Variants in SLC27A5 observed in about 807,000 individuals in gnomAD.
SLC27A5 encodes the protein long-chain fatty acid transport protein 5.
Under a neutral mutation model 63.1 loss-of-function variants are expected in SLC27A5, and 47 were observed. The observed-to-expected ratio is 0.74, with a 90% CI of 0.59 to 0.95. The LOEUF (loss-of-function observed/expected upper bound fraction) is 0.95. Among genes scored for constraint, SLC27A5 ranks in the 40% least tolerant of loss-of-function variants. The probability of loss-of-function intolerance (pLI) is 0.00; values close to 1 mark genes in which losing one functional copy is unlikely to be tolerated. For synonymous variants in SLC27A5, 391 were observed against 403.8 expected, an observed-to-expected ratio of 0.97 and a Z score of 0.38; for missense variants, 940 against 921.0, an observed-to-expected ratio of 1.02 and a Z score of -0.27.
intron 2 of SLC27A5, chr19:58,510,497 C>G (rs753567972): frequency 5.8e-5 from 28 of 479,426 alleles, no homozygotes; most frequent in Non-Finnish European, 9.2e-5. Flanking sequence ...TTGCTTGAAC[C>G]CAGGAGGTGG....
chr19:58,505,797 G>A (rs552005426), intron 3 of SLC27A5, among the ~76,000 whole-genome samples: 3 of 141,020 alleles, frequency 2.1e-5, no homozygotes, highest in East Asian at 2.1e-4. Context: ...GCAGTGAGCC[G>A]ACATCGCGCC....
chr19:58,498,801 TG>T lies in SLC27A5; in HGVS notation c.1879del (p.His627IlefsTer17), dbSNP rs777720763. ...RAWLPAYATP[H>X]FIRIQDAMEV... Reference sequence around the variant, plus strand: ...TGGGCTCACCTGGATGCGGATGAAATGGGGGGTAGCGTAGGCAGGGAGCCAA... The same window carrying T: ...TGGGCTCACCTGGATGCGGATGAAATGGGGGTAGCGTAGGCAGGGAGCCAA... On this transcript the variant is annotated frameshift_variant, in exon 9 of 10. Transcript: ENST00000263093. LOFTEE classifies it low-confidence loss of function (END_TRUNC). 36 of 1,613,710 alleles carry T rather than the reference TG, an allele frequency of 2.2e-5. No homozygotes were observed. Among genetic ancestry groups the T allele is most frequent in the Non-Finnish European group, 3.0e-5 (35 of 1,179,926 alleles).
In SLC27A5 at chr19:58,499,134, A is replaced by G; in HGVS notation, c.1754T>C (p.Val585Ala). 6.2e-7 allele frequency: 1 copy of G among 1,613,980 alleles called. No individual in the cohort carries two copies. The highest frequency in any genetic ancestry group is 1.1e-5 in the South Asian group (1 of 91,084). Residue 585 changes from valine (V) to alanine (A), a missense_variant, in exon 8 of 10, where the codon GTG (valine) becomes GCG (alanine). Val to Ala is a moderately conservative substitution (Grantham distance 64). Transcript: ENST00000263093. Reference protein sequence around the residue: ...DFLQQVNVYGVCVPGCEGKVG... With the variant: ...DFLQQVNVYGACVPGCEGKVG... Reference sequence around the variant, plus strand: ...AGAACCCTCCGCACCTGGCACGCACACGCCATACACGTTAACCTGTTGCAA... The same window carrying G: ...AGAACCCTCCGCACCTGGCACGCACGCGCCATACACGTTAACCTGTTGCAA...
intron 3 of SLC27A5, 113 bp from the exon 4 acceptor site, chr19:58,501,523 G>A: frequency 1.7e-6 from 2 of 1,199,678 alleles, no homozygotes; most frequent in Middle Eastern, 2.9e-4. Context: ...GGACAATACT[G>A]AGTTCATCTT....
intron 3 of SLC27A5, among the ~76,000 whole-genome samples, chr19:58,504,525 T>C (rs2053319319): frequency 8.0e-6 from 1 of 124,980 alleles, no homozygotes; most frequent in Non-Finnish European, 1.6e-5. Context: ...GGTGCGTGCC[T>C]GTAATCCCAG....
At chr19:58,506,187 A>T (rs988222965) in intron 3 of SLC27A5, among the ~76,000 whole-genome samples, 1 of 151,826 alleles carries the variant, frequency 6.6e-6, no homozygotes, top group Non-Finnish European at 1.5e-5. Context: ...TTGGTACCCC[A>T]AAGTGCAGGG....
chr19:58,501,126 C>A, intron 4 of SLC27A5, 160 bp downstream of exon 4: 1 of 1,243,750 alleles, frequency 8.0e-7, no homozygotes. Flanking sequence ...ATCAAAGAAA[C>A]CATTATTGGA....
At position 58,500,631 on chromosome 19, in the gene SLC27A5, G is replaced by A; in HGVS notation, c.1258C>T (p.Gln420Ter). 1 of 1,614,174 alleles carries A rather than the reference G, an allele frequency of 6.2e-7. No individual in the cohort carries two copies. Among genetic ancestry groups the A allele is most frequent in the South Asian group, 1.1e-5 (1 of 91,088 alleles). ...ATCCGAATAGGACCGAAGCGCTGCT[G>A]GAAGGTCTCCCACACATCAGCCCGT... ...GLRADVWETFQQRFGPIRIWE... is the reference protein window; with the variant it reads ...GLRADVWETF The change falls in exon 5 of 10, where the codon CAG (glutamine) becomes TAG (stop). Residue 420 changes from glutamine to a stop codon, truncating the protein, a stop_gained. Coordinates refer to ENST00000263093, the MANE Select transcript of SLC27A5 (RefSeq NM_012254.3). LOFTEE classifies it high-confidence loss of function.
chr19:58,503,681 C>A (rs907442175), intron 3 of SLC27A5, among the ~76,000 whole-genome samples: 3 of 151,226 alleles, frequency 2.0e-5, no homozygotes, highest in African/African-American at 7.3e-5. Context: ...AAGAAAAAAA[C>A]TGAATCTAAC....
intron 7 of SLC27A5, 31 bp downstream of exon 7, chr19:58,499,461 C>T (rs1268568482): frequency 6.2e-7 from 1 of 1,608,812 alleles, no homozygotes; most frequent in Non-Finnish European, 8.5e-7. Context: ...GGCCCCGCGC[C>T]AGCCCCGCCC....
intron 1 of SLC27A5, 126 bp from the exon 2 acceptor site, chr19:58,511,056 A>T: frequency 1.1e-6 from 1 of 949,370 alleles, no homozygotes; most frequent in Non-Finnish European, 1.5e-6. Flanking sequence ...GTTGTTTGGT[A>T]AAGAATCCCA....
intron 1 of SLC27A5, 59 bp from the exon 2 acceptor site, chr19:58,510,989 G>C: frequency 7.1e-7 from 1 of 1,402,468 alleles, no homozygotes. Flanking sequence ...GTTGCGAGGC[G>C]GGATCTGAGA....
intron 3 of SLC27A5, among the ~76,000 whole-genome samples, chr19:58,501,767 G>A (rs880162): frequency 0.71 from 108,494 of 152,110 alleles, 39,237 homozygotes; most frequent in East Asian, 0.85. Flanking sequence ...TCTCCCTCCC[G>A]GGTTCAAGCG....
At chr19:58,499,306 T>G in intron 7 of SLC27A5, 86 bp from the exon 8 acceptor site, 1 of 1,398,500 alleles carries the variant, frequency 7.2e-7, no homozygotes, top group Non-Finnish European at 9.8e-7. Flanking sequence ...CTTTTGGGGA[T>G]CAGGAGGCCC....
rs2053272615 is a variant in SLC27A5, at chr19:58,501,423, A to G, written c.1058-13T>C. 6.2e-7 allele frequency: 1 copy of G among 1,611,696 alleles called. No homozygotes were observed. Among genetic ancestry groups the G allele is most frequent in the Non-Finnish European group, 8.5e-7 (1 of 1,178,744 alleles). On this transcript the variant is annotated splice_polypyrimidine_tract_variant and intron_variant, in intron 3 of 9. Transcript: ENST00000263093. ...ACACAGGTGGCTCCTGGGAGATGAC[A>G]GGAGAGGGGGTTTCAGGTCATGCTT...
rs2122482024 is a variant in SLC27A5, at chr19:58,498,398, G to A, written c.*117C>T. 9.7e-7 allele frequency: 1 copy of A among 1,034,694 alleles called. No homozygotes were observed. Among genetic ancestry groups the A allele is most frequent in the South Asian group, 1.6e-5 (1 of 61,382 alleles). The allele number at this position is 1,034,694 out of a possible 1,614,324, so 64.1% of individuals were successfully genotyped here. A position where few individuals can be genotyped will look rare whatever the true frequency, so the allele number is the denominator to read the frequency against. ...GGCCCACTGTCATTTCCAGCCCACT[G>A]AGGTTGAGGGTATGGCCAGGCTGGG... is the stretch of plus-strand genomic sequence containing the variant. On this transcript the variant is annotated 3_prime_UTR_variant, in exon 10 of 10. Coordinates refer to ENST00000263093, the MANE Select transcript of SLC27A5 (RefSeq NM_012254.3).
At chr19:58,501,512 A>G in intron 3 of SLC27A5, 102 bp from the exon 4 acceptor site, 5 of 1,289,400 alleles carry the variant, frequency 3.9e-6, no homozygotes, top group Non-Finnish European at 5.4e-6. Flanking sequence ...CCTGAAATAC[A>G]GGACAATACT....
chr19:58,499,312 G>A, intron 7 of SLC27A5, 92 bp from the exon 8 acceptor site: 5 of 1,400,832 alleles, frequency 3.6e-6, no homozygotes, highest in Non-Finnish European at 4.9e-6. Flanking sequence ...GGGATCAGGA[G>A]GCCCAGTCAG....
rs760686310 is a variant in SLC27A5 at position 58,511,911 on chromosome 19, G to GAGC, written c.42_44dup (p.Leu17dup). On this transcript the variant is annotated inframe_insertion, in exon 1 of 10. Transcript: ENST00000263093. The stretch of plus-strand genomic sequence containing the variant: ...CTGGCTGCCCCAGGCCCCAGAGCAG[G>GAGC]AGCAGCAGCAGCAGCAGCAAGGCCA... 9.6e-5 allele frequency: 149 copies of GAGC among 1,546,802 alleles called. No individual in the cohort carries two copies. The highest frequency in any genetic ancestry group is 3.5e-4 in the Middle Eastern group (2 of 5,704).
Sources: allele counts gnomAD v4.1 joint callset (sites outside exome capture counted in the v4.1 genomes callset), GRCh38; gene constraint gnomAD v4.1.1; transcripts MANE v1.5; gene names NCBI Gene and HGNC (gene_info 2026-07-23, HGNC 2026-07-21).